The following ST6GALNAC2 variants were observed in gnomAD, a reference collection of about 807,000 sequenced individuals.
ST6GALNAC2 encodes alpha-N-acetylgalactosaminide alpha-2,6-sialyltransferase 2.
Under a neutral mutation model 38.7 loss-of-function variants are expected in ST6GALNAC2, and 42 were observed. That is an observed-to-expected ratio of 1.09 (90% CI 0.85 to 1.40). The LOEUF (loss-of-function observed/expected upper bound fraction) is 1.40. Ranked by LOEUF, ST6GALNAC2 falls within the 40% of genes most tolerant of loss-of-function variation. The pLI is 0.00. For missense variants in ST6GALNAC2, 506 were observed against 481.7 expected (o/e 1.05, Z -0.47); for synonymous variants, 233 against 209.0 (o/e 1.11, Z -0.99).
chr17:76,566,292 G>A (rs1179307530), intron 8 of ST6GALNAC2, 21 bp from the exon 9 acceptor site: 2 of 1,613,210 alleles, frequency 1.2e-6, no homozygotes, highest in Non-Finnish European at 1.7e-6. Context: ...ATAGTCGCTG[G>A]ATTAGTATTT....
At position 76,565,405 on chromosome 17, in the gene ST6GALNAC2, A is replaced by ACAT. The variant is rs1470480113; in HGVS notation, c.*696_*698dup. 1 of 152,190 alleles carries ACAT rather than the reference A, an allele frequency of 6.6e-6. No individual in the cohort carries two copies. Among genetic ancestry groups the ACAT allele is most frequent in the East Asian group, 1.9e-4 (1 of 5,200 alleles). 9.4% of individuals were successfully genotyped at this position (152,190 alleles called of 1,614,324 possible). A position where few individuals can be genotyped will look rare whatever the true frequency, so the allele number is the denominator to read the frequency against. ...GAGGATGAAGGTTTATTACCTGGTG[A>ACAT]CATCATCCTGTTGGTGACAAGGTGG... On this transcript the variant is annotated 3_prime_UTR_variant, in exon 9 of 9. Coordinates refer to ENST00000225276, the MANE Select transcript of ST6GALNAC2 (RefSeq NM_006456.3).
chr17:76,572,867 G>C, intron 4 of ST6GALNAC2, 92 bp from the exon 5 acceptor site: 1 of 1,479,508 alleles, frequency 6.8e-7, no homozygotes, highest in Non-Finnish European at 9.3e-7. Context: ...CTATCCCCCT[G>C]CCTCTGTATG....
intron 5 of ST6GALNAC2, 83 bp downstream of exon 5, chr17:76,572,554 G>T: frequency 6.6e-7 from 1 of 1,526,226 alleles, no homozygotes; most frequent in South Asian, 1.2e-5. Flanking sequence ...CAGGGTGTGT[G>T]AGCCCTGTGG....
chr17:76,584,996 G>A (rs924400983), intron 1 of ST6GALNAC2, among the ~76,000 whole-genome samples: 2 of 152,236 alleles, frequency 1.3e-5, no homozygotes, highest in Admixed American at 6.5e-5. Flanking sequence ...GGTTCTCCTC[G>A]TGGGACACCC....
chr17:76,569,089 G>T, intron 6 of ST6GALNAC2: 1 of 109,642 alleles, frequency 9.1e-6, no homozygotes, highest in Non-Finnish European at 1.7e-5. Context: ...GTGGTGGGGG[G>T]GCGGGGGAAG....
chr17:76,578,156 G>C (rs1329582728), intron 2 of ST6GALNAC2, among the ~76,000 whole-genome samples: 1 of 152,152 alleles, frequency 6.6e-6, no homozygotes, highest in South Asian at 2.1e-4. Context: ...TTCTGAGCCA[G>C]GTTCCAGACA....
At chr17:76,579,560 G>C (rs929281930) in intron 1 of ST6GALNAC2, among the ~76,000 whole-genome samples, 2 of 152,222 alleles carry the variant, frequency 1.3e-5, no homozygotes, top group African/African-American at 4.8e-5. Flanking sequence ...GCTATGGTTT[G>C]AATGAGTCCC....
At chr17:76,571,464 C>T (rs1448423145) in intron 5 of ST6GALNAC2, among the ~76,000 whole-genome samples, 4 of 152,290 alleles carry the variant, frequency 2.6e-5, no homozygotes, top group Admixed American at 6.5e-5. Flanking sequence ...CGTGGTGGTG[C>T]GTGCCTGTAA....
At chr17:76,577,033 G>A (rs1222614167) in intron 2 of ST6GALNAC2, among the ~76,000 whole-genome samples, 1 of 145,514 alleles carries the variant, frequency 6.9e-6, no homozygotes, top group African/African-American at 2.6e-5. Context: ...TGTCAATCTT[G>A]TTGGAACAAA....
At chr17:76,569,823 T>A in intron 6 of ST6GALNAC2, 8 of 145,748 alleles carry the variant, frequency 5.5e-5, no homozygotes, top group Non-Finnish European at 7.4e-5. Context: ...GGACCACCTG[T>A]AAAGCTGCTC....
chr17:76,584,617 C>G (rs1397308241), intron 1 of ST6GALNAC2, among the ~76,000 whole-genome samples: 1 of 152,196 alleles, frequency 6.6e-6, no homozygotes, highest in Non-Finnish European at 1.5e-5. Flanking sequence ...GCTGGGACTA[C>G]AGGCGTTAAG....
chr17:76,581,648 G>C (rs2075477092), intron 1 of ST6GALNAC2, among the ~76,000 whole-genome samples: 1 of 152,094 alleles, frequency 6.6e-6, no homozygotes, highest in Non-Finnish European at 1.5e-5. Context: ...TATCCCTGGT[G>C]CTCAGCCACT....
intron 1 of ST6GALNAC2, among the ~76,000 whole-genome samples, chr17:76,585,207 G>A (rs973918621): frequency 1.3e-5 from 2 of 152,218 alleles, no homozygotes; most frequent in Non-Finnish European, 2.9e-5. Flanking sequence ...GACCGCAGCG[G>A]GCGGGAAAGG....
At position 76,573,159 on chromosome 17, in the gene ST6GALNAC2, T is replaced by TAC; in HGVS notation, c.530+35_530+36insGT. ...GACACCCCCACCCTCCAGGCAACTC[T>TAC]CCCTCCCGCCCCTCCCCAGCTCCTA... On this transcript the variant is annotated intron_variant, in intron 4 of 8. Coordinates refer to ENST00000225276, the MANE Select transcript of ST6GALNAC2 (RefSeq NM_006456.3). This position sits in a 1 kb window ranked among gnomAD's most constrained non-coding sequence, Gnocchi z 5.1. 6 of 1,530,318 alleles carry TAC rather than the reference T, an allele frequency of 3.9e-6. No individual in the cohort carries two copies. Among genetic ancestry groups the TAC allele is most frequent in the Non-Finnish European group, 5.4e-6 (6 of 1,120,826 alleles). The allele number at this position is 1,530,318 out of a possible 1,614,324, so 94.8% of individuals were successfully genotyped here. A position where few individuals can be genotyped will look rare whatever the true frequency, so the allele number is the denominator to read the frequency against.
At chr17:76,576,500 A>AT (rs1438676860) in intron 2 of ST6GALNAC2, among the ~76,000 whole-genome samples, 1 of 152,158 alleles carries the variant, frequency 6.6e-6, no homozygotes, top group Non-Finnish European at 1.5e-5. Flanking sequence ...GTTGTCTGAA[A>AT]TCGGAGGGAA....
At chr17:76,575,561 G>A (rs2075406625) in intron 2 of ST6GALNAC2, among the ~76,000 whole-genome samples, 1 of 152,252 alleles carries the variant, frequency 6.6e-6, no homozygotes, top group African/African-American at 2.4e-5. Flanking sequence ...CGAGCCTTCG[G>A]AGGGAGCGTG....
intron 1 of ST6GALNAC2, among the ~76,000 whole-genome samples, chr17:76,581,858 T>TTTTTTA (rs557365744): frequency 6.6e-6 from 1 of 152,090 alleles, no homozygotes; most frequent in Non-Finnish European, 1.5e-5. Context: ...TCATATTCTC[T>TTTTTTA]TTTTTATTTT....
At chr17:76,568,608 A>G in intron 7 of ST6GALNAC2, 105 bp downstream of exon 7, 1 of 1,059,468 alleles carries the variant, frequency 9.4e-7, no homozygotes, top group Non-Finnish European at 1.5e-6. Flanking sequence ...AGCTCTGGTT[A>G]TCGGTCAGTG....
chr17:76,584,193 C>CTTTTTTTT (rs55780682), intron 1 of ST6GALNAC2, among the ~76,000 whole-genome samples: 49 of 137,190 alleles, frequency 3.6e-4, no homozygotes, highest in Non-Finnish European at 6.7e-4. Flanking sequence ...TCACCTCGAA[C>CTTTTTTTT]TTTTTTTTTT....
Sources: allele counts gnomAD v4.1 joint callset (sites outside exome capture counted in the v4.1 genomes callset), GRCh38; gene constraint gnomAD v4.1.1; non-coding constraint Gnocchi (gnomAD v3.1); transcripts MANE v1.5; gene names NCBI Gene and HGNC (gene_info 2026-07-23, HGNC 2026-07-21).